Variants in DPYD observed in about 807,000 individuals in gnomAD.
DPYD encodes dihydropyrimidine dehydrogenase.
A neutral mutation model predicts 116.2 loss-of-function variants in DPYD; 109 were observed. That is an observed-to-expected ratio of 0.94 (90% CI 0.80 to 1.10). DPYD has a LOEUF of 1.10. DPYD is among the 50% of genes least tolerant of loss of function. The probability of loss-of-function intolerance (pLI) is 0.00; values close to 1 mark genes in which losing one functional copy is unlikely to be tolerated. For missense variants in DPYD, 1,302 were observed against 1,254.5 expected (o/e 1.04, Z -0.57); for synonymous variants, 440 against 432.0 (o/e 1.02, Z -0.23).
intron 16 of DPYD, among the ~76,000 whole-genome samples, chr1:97,365,600 CA>C (rs1670990489): frequency 6.6e-6 from 1 of 152,118 alleles, no homozygotes; most frequent in Admixed American, 6.6e-5. Context: ...TGGAATAAAA[CA>C]AATGAGAACA....
At chr1:97,251,641 G>A (rs1048233225) in intron 18 of DPYD, among the ~76,000 whole-genome samples, 3 of 151,832 alleles carry the variant, frequency 2.0e-5, no homozygotes, top group African/African-American at 4.8e-5. Flanking sequence ...ATATAAGCAC[G>A]TACACACAAA....
chr1:97,736,863 T>C (rs1444893648), intron 4 of DPYD, among the ~76,000 whole-genome samples: 1 of 147,460 alleles, frequency 6.8e-6, no homozygotes, highest in Non-Finnish European at 1.5e-5. Flanking sequence ...TGTGTGTGTG[T>C]GTGTGTGTGT....
intron 16 of DPYD, among the ~76,000 whole-genome samples, chr1:97,354,857 TATCACATTA>T (rs1206841887): frequency 1.3e-5 from 2 of 152,214 alleles, no homozygotes; most frequent in Non-Finnish European, 2.9e-5. Context: ...ACCTGCCATG[TATCACATTA>T]ATCACATTAA....
chr1:97,536,391 A>G (rs1436193898), intron 12 of DPYD, among the ~76,000 whole-genome samples: 3 of 152,230 alleles, frequency 2.0e-5, no homozygotes, highest in Non-Finnish European at 4.4e-5. Context: ...AGTTTGCAAC[A>G]TATCTTAAAC....
intron 4 of DPYD, among the ~76,000 whole-genome samples, chr1:97,727,082 T>C (rs1663307704): frequency 6.6e-6 from 1 of 151,748 alleles, no homozygotes; most frequent in South Asian, 2.1e-4. Context: ...TAAAGCATTA[T>C]GTGTATGTTT....
intron 2 of DPYD, among the ~76,000 whole-genome samples, chr1:97,868,759 C>A (rs1223721923): frequency 6.6e-6 from 1 of 151,752 alleles, no homozygotes; most frequent in East Asian, 1.9e-4. Flanking sequence ...TTATATTATA[C>A]CCTACTGCCT....
At chr1:97,458,462 A>G (rs977801290) in intron 13 of DPYD, among the ~76,000 whole-genome samples, 1 of 152,170 alleles carries the variant, frequency 6.6e-6, no homozygotes, top group South Asian at 2.1e-4. Context: ...AATTTCTGAG[A>G]GATCAGAAAT....
chr1:97,161,652 T>C (rs1273158491), intron 20 of DPYD, among the ~76,000 whole-genome samples: 1 of 151,066 alleles, frequency 6.6e-6, no homozygotes, highest in Non-Finnish European at 1.5e-5. Context: ...ACATGTGCCA[T>C]GCTGGTGTGC....
chr1:97,120,131 C>T (rs1652310598), intron 20 of DPYD, among the ~76,000 whole-genome samples: 1 of 152,144 alleles, frequency 6.6e-6, no homozygotes, highest in Admixed American at 6.6e-5. Flanking sequence ...TTGCTATTAG[C>T]TCCTTCTTTG....
At chr1:97,576,438 T>A (rs1653266225) in intron 10 of DPYD, among the ~76,000 whole-genome samples, 1 of 152,216 alleles carries the variant, frequency 6.6e-6, no homozygotes, top group Non-Finnish European at 1.5e-5. Flanking sequence ...CTATCTTTGC[T>A]ATCTATTAAT....
intron 1 of DPYD, among the ~76,000 whole-genome samples, chr1:97,920,429 A>G (rs1421932583): frequency 2.0e-5 from 3 of 152,118 alleles, no homozygotes; most frequent in Non-Finnish European, 2.9e-5. Flanking sequence ...TTTTATTTCT[A>G]TGCTTCACCT....
At chr1:97,349,851 G>A (rs556722018) in intron 16 of DPYD, among the ~76,000 whole-genome samples, 3 of 151,088 alleles carry the variant, frequency 2.0e-5, no homozygotes, top group Non-Finnish European at 4.4e-5. Context: ...TAATCCTTTG[G>A]GTATATACCC....
rs767836989 is a variant in DPYD at position 97,691,746 on chromosome 1, T to C, written c.733A>G (p.Ile245Val). ...ACACCAAGGTCCTTCATTAGCTCAA[T>C]CTCAAAATTCACTACATCATACGGC... ...RLPYDVVNFE[I>V]ELMKDLGVKI... The change falls in exon 7 of 23, where the codon ATT becomes GTT. Residue 245 changes from isoleucine (I) to valine (V), a missense_variant. Ile to Val is a conservative substitution (Grantham distance 29). Coordinates refer to ENST00000370192, the MANE Select transcript of DPYD (RefSeq NM_000110.4). 25 of 1,613,630 alleles carry C rather than the reference T, an allele frequency of 1.5e-5. No homozygotes were observed. The South Asian group carries it at 2.7e-4, about 18-fold the overall frequency.
intron 20 of DPYD, among the ~76,000 whole-genome samples, chr1:97,105,821 G>C (rs1482030145): frequency 6.6e-6 from 1 of 152,044 alleles, no homozygotes; most frequent in Non-Finnish European, 1.5e-5. Context: ...CAGTGAAGGA[G>C]GAATTTAAAC....
intron 20 of DPYD, among the ~76,000 whole-genome samples, chr1:97,099,323 C>A (rs1650492534): frequency 6.6e-6 from 1 of 152,056 alleles, no homozygotes; most frequent in Non-Finnish European, 1.5e-5. Flanking sequence ...CATCAGTATT[C>A]AAAATCACAT....
chr1:97,514,966 A>G (rs1255188803), intron 13 of DPYD, among the ~76,000 whole-genome samples: 1 of 151,972 alleles, frequency 6.6e-6, no homozygotes. Context: ...ACACATTCAT[A>G]TACATTAATT....
At chr1:97,509,913 A>G (rs1295958548) in intron 13 of DPYD, among the ~76,000 whole-genome samples, 4 of 151,968 alleles carry the variant, frequency 2.6e-5, no homozygotes, top group Non-Finnish European at 5.9e-5. Flanking sequence ...TTGGGCATCA[A>G]TTTAGTCCTT....
chr1:97,476,200 G>A (rs926166995), intron 13 of DPYD, among the ~76,000 whole-genome samples: 3 of 152,160 alleles, frequency 2.0e-5, no homozygotes, highest in Admixed American at 6.6e-5. Context: ...TACTGTACCT[G>A]CTGTAACAGA....
chr1:97,301,110 T>G (rs370581918), intron 18 of DPYD, among the ~76,000 whole-genome samples: 2 of 152,078 alleles, frequency 1.3e-5, no homozygotes, highest in South Asian at 2.1e-4. Flanking sequence ...CTAAGAACAT[T>G]CATGGAATAT....
Sources: gnomAD v4.1 joint callset for allele counts (sites outside exome capture counted in the v4.1 genomes callset) on GRCh38, gnomAD v4.1.1 for gene constraint, MANE v1.5 for transcripts, NCBI Gene and HGNC (gene_info 2026-07-23, HGNC 2026-07-21) for gene names.